Variants in STK32B observed in about 807,000 individuals in gnomAD.
STK32B encodes serine/threonine kinase 32B, also known as serine/threonine-protein kinase 32B.
Under a neutral mutation model 52.6 loss-of-function variants are expected in STK32B, and 43 were observed. The ratio of observed to expected loss-of-function variants is 0.82; its 90% confidence interval spans 0.64 to 1.05. STK32B has a LOEUF of 1.05. Ranked by LOEUF, STK32B falls within the 50% of genes least tolerant of loss-of-function variation. The pLI, the probability that STK32B is intolerant of heterozygous loss-of-function variation, is 0.00. For missense variants in STK32B, 621 were observed against 534.6 expected, an observed-to-expected ratio of 1.16 and a Z score of -1.59; for synonymous variants, 238 against 204.3, an observed-to-expected ratio of 1.17 and a Z score of -1.41.
chr4:5,440,841 T>G (rs1714668813), intron 6 of STK32B, among the ~76,000 whole-genome samples: 1 of 151,982 alleles, frequency 6.6e-6, no homozygotes, highest in South Asian at 2.1e-4. Context: ...TCAAAGGCCT[T>G]TTCTGCATCT....
intron 3 of STK32B, among the ~76,000 whole-genome samples, chr4:5,177,317 A>G (rs1719986655): frequency 6.6e-6 from 1 of 152,162 alleles, no homozygotes; most frequent in South Asian, 2.1e-4. Context: ...TTATAAAACT[A>G]TCAGATCTTA....
At chr4:5,445,471 C>T (rs1416210878) in intron 6 of STK32B, among the ~76,000 whole-genome samples, 1 of 152,116 alleles carries the variant, frequency 6.6e-6, no homozygotes, top group Admixed American at 6.5e-5. Context: ...TGGAAGCCCA[C>T]ATAGACAATT....
chr4:5,195,567 C>T (rs1203870714), intron 3 of STK32B, among the ~76,000 whole-genome samples: 1 of 152,094 alleles, frequency 6.6e-6, no homozygotes, highest in Non-Finnish European at 1.5e-5. Context: ...GTGGTGGGTG[C>T]CTGTAATTCC....
chr4:5,178,990 G>T (rs774074362), intron 3 of STK32B, among the ~76,000 whole-genome samples: 1 of 152,064 alleles, frequency 6.6e-6, no homozygotes, highest in South Asian at 2.1e-4. Flanking sequence ...TTACTGCCTC[G>T]GTACCAATGT....
intron 1 of STK32B, among the ~76,000 whole-genome samples, chr4:5,132,784 A>T (rs905658478): frequency 6.6e-6 from 1 of 151,938 alleles, no homozygotes; most frequent in African/African-American, 2.4e-5. Flanking sequence ...ACTTTCATTC[A>T]TAGAATTTAC....
chr4:5,067,868 G>C (rs1007611281), intron 1 of STK32B, among the ~76,000 whole-genome samples: 2 of 152,074 alleles, frequency 1.3e-5, no homozygotes, highest in Admixed American at 6.6e-5. Context: ...GGAGCAGGAG[G>C]ATAAGAGAGA....
chr4:5,438,183 C>A (rs1431379740), intron 6 of STK32B: 43 of 952,922 alleles, frequency 4.5e-5, no homozygotes, highest in Non-Finnish European at 5.0e-5. Context: ...GACTCCTTTT[C>A]TCTCAAGCCC....
At chr4:5,224,928 C>G (rs1319748789) in intron 3 of STK32B, among the ~76,000 whole-genome samples, 4 of 151,904 alleles carry the variant, frequency 2.6e-5, no homozygotes, top group Non-Finnish European at 4.4e-5. Flanking sequence ...GAATTGTTAG[C>G]TAATTTTTAT....
intron 11 of STK32B, among the ~76,000 whole-genome samples, chr4:5,476,102 G>A (rs1718218604): frequency 6.6e-6 from 1 of 151,894 alleles, no homozygotes; most frequent in Non-Finnish European, 1.5e-5. Flanking sequence ...GTTTCGCCAC[G>A]TTGGCCAAGC....
In STK32B at chr4:5,111,221, A is replaced by G. The variant is rs77438878; in HGVS notation, c.53-28684A>G. On this transcript the variant is annotated intron_variant, in intron 1 of 11. Transcript: ENST00000282908. The stretch of plus-strand genomic sequence containing the variant: ...CAGTATAAAGATTTCTCAAAGAACT[A>G]AAAAGAGAATGACCATTTGACTCAA... 1.7e-4 allele frequency among the ~76,000 whole-genome samples: 26 copies of G among 152,322 alleles called. No individual in the cohort carries two copies. In the East Asian group the frequency reaches 5.0e-3, roughly 29 times the overall value.
chr4:5,316,406 TATATA>T (rs1206287079), intron 3 of STK32B, among the ~76,000 whole-genome samples: 2 of 36,656 alleles, frequency 5.5e-5, no homozygotes, highest in East Asian at 2.7e-3. Flanking sequence ...ACATATATAA[TATATA>T]ATATATATTA....
At chr4:5,035,903 T>A in the STK32B span, among the ~76,000 whole-genome samples, 2 of 151,602 alleles carry the variant, frequency 1.3e-5, no homozygotes, top group African/African-American at 4.9e-5. Flanking sequence ...TGCCTCAGCC[T>A]CTTGAGTAGC....
chr4:5,019,494 G>A, the STK32B span: 26 of 1,424,184 alleles, frequency 1.8e-5, no homozygotes, highest in Non-Finnish European at 2.1e-5. Context: ...TATGCAGGCT[G>A]GGGGTGGTCC....
intron 3 of STK32B, among the ~76,000 whole-genome samples, chr4:5,253,415 C>T (rs1021758739): frequency 2.6e-5 from 4 of 152,112 alleles, no homozygotes; most frequent in African/African-American, 9.7e-5. Context: ...GACTCTGTCA[C>T]CCAGACTGGA....
intron 4 of STK32B, among the ~76,000 whole-genome samples, chr4:5,332,300 GT>G (rs1732310971): frequency 6.6e-6 from 1 of 152,152 alleles, no homozygotes; most frequent in African/African-American, 2.4e-5. Context: ...AAGATGTAGA[GT>G]GATCGATGAC....
At chr4:5,053,811 T>G (rs1741883413) in intron 1 of STK32B, among the ~76,000 whole-genome samples, 1 of 134,692 alleles carries the variant, frequency 7.4e-6, no homozygotes, top group Non-Finnish European at 1.6e-5. Context: ...AAACCCCGAC[T>G]CTACTAAAAA....
chr4:5,062,410 T>C (rs536225713), intron 1 of STK32B, among the ~76,000 whole-genome samples: 37 of 152,286 alleles, frequency 2.4e-4, no homozygotes, highest in African/African-American at 7.7e-4. Context: ...ACAGAAGAAA[T>C]AGAGCATGTA....
At chr4:5,094,406 A>G (rs1290755234) in intron 1 of STK32B, among the ~76,000 whole-genome samples, 4 of 152,194 alleles carry the variant, frequency 2.6e-5, no homozygotes, top group African/African-American at 9.6e-5. Context: ...TAATCCTAGC[A>G]TTTTGAGAGG....
intron 3 of STK32B, among the ~76,000 whole-genome samples, chr4:5,268,680 T>C (rs1223991885): frequency 6.6e-6 from 1 of 151,908 alleles, no homozygotes; most frequent in Non-Finnish European, 1.5e-5. Flanking sequence ...TGCAGGGACC[T>C]TCTGTCCTGT....
Sources: gnomAD v4.1 joint callset for allele counts (sites outside exome capture counted in the v4.1 genomes callset) on GRCh38, gnomAD v4.1.1 for gene constraint, MANE v1.5 for transcripts, NCBI Gene and HGNC (gene_info 2026-07-23, HGNC 2026-07-21) for gene names.